ESR2: variants seen among roughly 807,000 people sequenced by gnomAD.
ESR2 encodes estrogen receptor beta.
Under a neutral mutation model 49.6 loss-of-function variants are expected in ESR2, and 36 were observed. The observed-to-expected ratio is 0.73, with a 90% CI of 0.56 to 0.96. The LOEUF is 0.96. ESR2 is among the 40% of genes least tolerant of loss of function. The probability of loss-of-function intolerance (pLI) is 0.00; values close to 1 mark genes in which losing one functional copy is unlikely to be tolerated. For synonymous variants in ESR2, 320 were observed against 266.1 expected (o/e 1.20, Z -1.97); for missense variants, 714 against 693.0 (o/e 1.03, Z -0.34).
chr14:64,292,386 C>T (rs2076887084), intron 1 of ESR2, among the ~76,000 whole-genome samples: 1 of 152,022 alleles, frequency 6.6e-6, no homozygotes, highest in Non-Finnish European at 1.5e-5. Context: ...GTCATGTGTG[C>T]GGTGCTGGTT....
chr14:64,284,624 A>C (rs2076752073), intron 1 of ESR2, among the ~76,000 whole-genome samples: 1 of 151,872 alleles, frequency 6.6e-6, no homozygotes, highest in East Asian at 1.9e-4. Flanking sequence ...GCCCGGCCAC[A>C]GTAATAGACA....
intron 4 of ESR2, among the ~76,000 whole-genome samples, chr14:64,262,302 A>G: frequency 6.6e-6 from 1 of 151,920 alleles, no homozygotes; most frequent in Non-Finnish European, 1.5e-5. Flanking sequence ...TTTTGTAAAG[A>G]CAGGGTCTCA....
At chr14:64,299,164 A>C (rs1242348702), upstream of ESR2, among the ~76,000 whole-genome samples, 1 of 152,102 alleles carries the variant, frequency 6.6e-6, no homozygotes, top group Non-Finnish European at 1.5e-5. Context: ...ATAAAAAAAA[A>C]AAAGGTACAG....
intron 1 of ESR2, among the ~76,000 whole-genome samples, chr14:64,289,772 CTG>C (rs1567782013): frequency 6.6e-6 from 1 of 152,136 alleles, no homozygotes; most frequent in Non-Finnish European, 1.5e-5. Flanking sequence ...CCTGCCAACA[CTG>C]TGTGTGTGGA....
Position 64,277,445 on chromosome 14 carries a change from G to A in ESR2, c.535+2536C>T, listed in dbSNP as rs560464981. 8.6e-5 allele frequency among the ~76,000 whole-genome samples: 13 copies of A among 152,006 alleles called. No homozygotes were observed. The South Asian group carries it at 1.9e-3, about 22-fold the overall frequency. The stretch of plus-strand genomic sequence containing the variant: ...TCGAGACCATCCTGGCTAACATGCC[G>A]AAACCCTGTCTCTACTAAAAATACA... On this transcript the variant is annotated intron_variant, in intron 3 of 8. Transcript: ENST00000341099.
intron 1 of ESR2, among the ~76,000 whole-genome samples, chr14:64,320,960 C>T (rs1480968594): frequency 2.0e-5 from 3 of 152,010 alleles, no homozygotes; most frequent in African/African-American, 7.2e-5. Context: ...CACACTAATG[C>T]AATTTGTTAC....
At chr14:64,260,957 A>T (rs1484818349) in intron 4 of ESR2, among the ~76,000 whole-genome samples, 6 of 147,932 alleles carry the variant, frequency 4.1e-5, no homozygotes, top group Admixed American at 2.0e-4. Flanking sequence ...CCGTTTCTCT[A>T]TAAAGAGTGC....
chr14:64,273,520 T>C (rs2076492430), intron 3 of ESR2, among the ~76,000 whole-genome samples: 1 of 152,186 alleles, frequency 6.6e-6, no homozygotes, highest in Non-Finnish European at 1.5e-5. Context: ...CATGAAGGGA[T>C]GTTGAATTTT....
chr14:64,294,452 G>A (rs1318473573), upstream of ESR2: 1 of 152,342 alleles, frequency 6.6e-6, no homozygotes, highest in Non-Finnish European at 1.5e-5. Flanking sequence ...ACGTGACCGA[G>A]CCAGGGAGCC....
upstream of ESR2, chr14:64,297,636 A>T (rs958081015): frequency 1.4e-4 from 22 of 152,202 alleles, no homozygotes; most frequent in Non-Finnish European, 1.8e-4. Flanking sequence ...CGTTCAACAA[A>T]TGTTTGCTGA....
rs1453876272 is a variant in ESR2 at position 64,270,132 on chromosome 14, A to G, written c.536-1221T>C. 2.6e-5 allele frequency among the ~76,000 whole-genome samples: 4 copies of G among 152,356 alleles called. No homozygotes were observed. In the East Asian group the frequency reaches 5.8e-4, roughly 22 times the overall value. ...ACATCTTACATTAAGCCTATAATGAACCAGAATTTCAGTGCGGAGAATAAA... is the reference window on the plus strand; with the variant it reads ...ACATCTTACATTAAGCCTATAATGAGCCAGAATTTCAGTGCGGAGAATAAA... On this transcript the variant is annotated intron_variant, in intron 3 of 8. Transcript: ENST00000341099.
chr14:64,234,840 C>T, intron 8 of ESR2, 130 bp downstream of exon 8: 1 of 1,481,414 alleles, frequency 6.8e-7, no homozygotes, highest in Admixed American at 2.2e-5. Flanking sequence ...TGTGAACTGA[C>T]AAATTCCCCA....
intron 7 of ESR2, among the ~76,000 whole-genome samples, chr14:64,242,342 G>A (rs2075745325): frequency 6.6e-6 from 1 of 151,372 alleles, no homozygotes. Context: ...AGCAGGCAGA[G>A]GTTGCGGTGA....
At chr14:64,235,642 C>T (rs1047936807) in intron 7 of ESR2, among the ~76,000 whole-genome samples, 2 of 152,156 alleles carry the variant, frequency 1.3e-5, no homozygotes, top group Admixed American at 1.3e-4. Flanking sequence ...TGGCAGGGCC[C>T]CTGCTACCAC....
intron 3 of ESR2, among the ~76,000 whole-genome samples, chr14:64,277,580 G>A (rs1190761746): frequency 1.4e-5 from 2 of 143,338 alleles, no homozygotes; most frequent in Admixed American, 1.5e-4. Context: ...AGCCGAGATT[G>A]TGCCACTGCA....
At chr14:64,237,199 A>G (rs549178518) in intron 7 of ESR2, among the ~76,000 whole-genome samples, 7 of 152,210 alleles carry the variant, frequency 4.6e-5, no homozygotes, top group South Asian at 4.2e-4. Flanking sequence ...TGACCTCGCA[A>G]TCCGCCTGCC....
intron 1 of ESR2, among the ~76,000 whole-genome samples, chr14:64,317,718 C>G (rs7146908): frequency 0.043 from 6,611 of 152,172 alleles, 298 homozygotes; most frequent in African/African-American, 0.11. Flanking sequence ...CTTCAAAAAT[C>G]AATGTAACTC....
chr14:64,245,718 C>A (rs1596381525), intron 7 of ESR2, among the ~76,000 whole-genome samples: 1 of 152,194 alleles, frequency 6.6e-6, no homozygotes, highest in South Asian at 2.1e-4. Flanking sequence ...CTAGCTTTGA[C>A]AACAACACAA....
chr14:64,257,080 C>G (rs1386119124), intron 6 of ESR2, 146 bp downstream of exon 6: 1 of 741,390 alleles, frequency 1.3e-6, no homozygotes, highest in Non-Finnish European at 2.3e-6. Context: ...TTCTCTGGTT[C>G]TTGACCCAGT....
Sources: allele counts gnomAD v4.1 joint callset (sites outside exome capture counted in the v4.1 genomes callset), GRCh38; gene constraint gnomAD v4.1.1; transcripts MANE v1.5; gene names NCBI Gene and HGNC (gene_info 2026-07-23, HGNC 2026-07-21).